Variants in IRAK4 observed in about 807,000 individuals in gnomAD.
The protein encoded by IRAK4 is interleukin-1 receptor-associated kinase 4.
Under a neutral mutation model 51.8 loss-of-function variants are expected in IRAK4, and 44 were observed. The ratio of observed to expected loss-of-function variants is 0.85; its 90% CI spans 0.67 to 1.09. The LOEUF (loss-of-function observed/expected upper bound fraction) is 1.09, where lower values mean the gene tolerates loss of function less well. Among genes scored for constraint, IRAK4 ranks in the 50% least tolerant of loss-of-function variants. The pLI is 0.00. For synonymous variants in IRAK4, 149 were observed against 174.1 expected (o/e 0.86, Z 1.13); for missense variants, 487 against 538.0 (o/e 0.91, Z 0.94).
chr12:43,783,551 G>T, intron 9 of IRAK4, 111 bp from the exon 10 acceptor site: 1 of 711,026 alleles, frequency 1.4e-6, no homozygotes, highest in Non-Finnish European at 2.5e-6. Flanking sequence ...GAAGTCCGGG[G>T]CTCAAGTTAT....
chr12:43,786,701 A>G lies in IRAK4; in HGVS notation c.1369A>G (p.Met457Val). 2.5e-6 allele frequency: 4 copies of G among 1,613,620 alleles called. No homozygotes were observed. In the South Asian group the frequency reaches 4.4e-5, roughly 18 times the overall value. Reference protein sequence around the residue: ...IKKVQQLLQEMTAS With the variant: ...IKKVQQLLQEVTAS ...AAAGGTTCAACAGCTGCTGCAAGAG[A>G]TGACAGCTTCTTAAAACTTTATTGG... is the stretch of plus-strand genomic sequence containing the variant. The change falls in exon 12 of 12, where the codon ATG becomes GTG. Residue 457 changes from methionine to valine, a missense_variant. Met to Val is a conservative substitution (Grantham distance 21). Transcript: ENST00000613694.
intron 8 of IRAK4, among the ~76,000 whole-genome samples, chr12:43,779,765 C>A (rs1325272768): frequency 6.6e-6 from 1 of 152,116 alleles, no homozygotes; most frequent in Non-Finnish European, 1.5e-5. Flanking sequence ...AATGTGAATT[C>A]TCTTTTGTAC....
chr12:43,763,308 T>C (rs1198225356), intron 1 of IRAK4: 1 of 152,204 alleles, frequency 6.6e-6, no homozygotes, highest in Non-Finnish European at 1.5e-5. Context: ...GAAGCTGGAT[T>C]TTCTTCATAT....
chr12:43,763,541 A>G (rs1023888589), intron 1 of IRAK4: 2 of 152,168 alleles, frequency 1.3e-5, no homozygotes, highest in South Asian at 2.1e-4. Context: ...TAAGTTTCTC[A>G]GCATCAATTT....
At chr12:43,783,785 A>G (rs746434440) in intron 10 of IRAK4, 61 bp downstream of exon 10, 1 of 1,116,602 alleles carries the variant, frequency 9.0e-7, no homozygotes, top group Non-Finnish European at 1.3e-6. Context: ...CTAAATTTAT[A>G]TGGATAAATT....
At chr12:43,784,643 T>G (rs1172561331) in intron 10 of IRAK4, among the ~76,000 whole-genome samples, 2 of 152,224 alleles carry the variant, frequency 1.3e-5, no homozygotes, top group African/African-American at 4.8e-5. Context: ...CCTCAAAACT[T>G]TGGCTTGAGT....
intron 3 of IRAK4, 60 bp from the exon 4 acceptor site, chr12:43,772,120 A>G: frequency 7.3e-7 from 1 of 1,360,702 alleles, no homozygotes; most frequent in African/African-American, 1.4e-5. Flanking sequence ...TTCTAGTTTA[A>G]CTTTTTCACA....
At chr12:43,779,388 T>G (rs1400491193) in intron 8 of IRAK4, among the ~76,000 whole-genome samples, 1 of 152,198 alleles carries the variant, frequency 6.6e-6, no homozygotes, top group Non-Finnish European at 1.5e-5. Context: ...AAGGTAAGGC[T>G]TTTAGTTTTA....
In IRAK4 at chr12:43,771,252, G is replaced by A; in HGVS notation, c.194G>A (p.Ser65Asn). 1 of 1,613,934 alleles carries A rather than the reference G, an allele frequency of 6.2e-7. No individual in the cohort carries two copies. ...RFEALLQTGK[S>N]PTSELLFDWG... Reference sequence around the variant, plus strand: ...GAAGCATTACTTCAAACTGGAAAAAGTCCCACTTCTGAATTACTGTTTGAC... The same window carrying A: ...GAAGCATTACTTCAAACTGGAAAAAATCCCACTTCTGAATTACTGTTTGAC... Residue 65 changes from serine to asparagine, a missense_variant, in exon 3 of 12, where the codon AGT (serine) becomes AAT (asparagine). Ser to Asn is a conservative substitution (Grantham distance 46, BLOSUM62 1). Coordinates refer to ENST00000613694, the MANE Select transcript of IRAK4 (RefSeq NM_016123.4).
At chr12:43,766,585 G>T (rs1214986652) in intron 1 of IRAK4, among the ~76,000 whole-genome samples, 2 of 152,138 alleles carry the variant, frequency 1.3e-5, no homozygotes, top group African/African-American at 4.8e-5. Flanking sequence ...ATTCATGAAT[G>T]AAAGGAAAGG....
At chr12:43,782,272 A>AACATTTTTTTCTTCAAACTTT (rs770946260) in intron 8 of IRAK4, 35 bp from the exon 9 acceptor site, 1 of 1,536,614 alleles carries the variant, frequency 6.5e-7, no homozygotes, top group Non-Finnish European at 9.0e-7. Context: ...GGGTGGGAAA[A>AACATTTTTTTCTTCAAACTTT]ACATTTTTTT....
chr12:43,770,951 A>G (rs769269653), intron 2 of IRAK4: 6 of 614,166 alleles, frequency 9.8e-6, no homozygotes, highest in African/African-American at 1.8e-5. Context: ...GTTAGGCCCT[A>G]TTTTTCTTTT....
At chr12:43,767,322 C>T (rs1940257287) in intron 1 of IRAK4, among the ~76,000 whole-genome samples, 1 of 152,148 alleles carries the variant, frequency 6.6e-6, no homozygotes, top group South Asian at 2.1e-4. Flanking sequence ...GTTGAAGGCC[C>T]TGTGGAAAGG....
rs1186037290 is a variant in IRAK4, at chr12:43,789,129, A to T, written c.*2414A>T. 6.6e-6 allele frequency: 1 copy of T among 151,876 alleles called. No homozygotes were observed. The highest frequency in any genetic ancestry group is 1.5e-5 in the Non-Finnish European group (1 of 67,950). The allele number at this position is 151,876 out of a possible 1,614,324, so 9.4% of individuals were successfully genotyped here. On this transcript the variant is annotated 3_prime_UTR_variant, in exon 12 of 12. Coordinates refer to ENST00000613694, the MANE Select transcript of IRAK4 (RefSeq NM_016123.4). ...CTGGGGGTAGAATGACATTGTTTAG[A>T]TGTTTGTCTCCTTCAAATTTCATGT...
At chr12:43,780,047 A>G (rs1245833329) in intron 8 of IRAK4, among the ~76,000 whole-genome samples, 1 of 152,210 alleles carries the variant, frequency 6.6e-6, no homozygotes, top group African/African-American at 2.4e-5. Context: ...GAAGGGTAAG[A>G]TGAAAACCTG....
At chr12:43,784,167 T>G (rs1413468600) in intron 10 of IRAK4, among the ~76,000 whole-genome samples, 1 of 152,148 alleles carries the variant, frequency 6.6e-6, no homozygotes, top group Non-Finnish European at 1.5e-5. Flanking sequence ...ATTTACAAAG[T>G]TACAATAAAA....
chr12:43,766,940 A>G (rs556977622), intron 1 of IRAK4, among the ~76,000 whole-genome samples: 1 of 152,324 alleles, frequency 6.6e-6, no homozygotes, highest in African/African-American at 2.4e-5. Flanking sequence ...GTGATGAAAG[A>G]TAATTAGGTG....
Position 43,787,022 on chromosome 12 carries a change from G to C in IRAK4, c.*307G>C, listed in dbSNP as rs1204972384. On this transcript the variant is annotated 3_prime_UTR_variant, in exon 12 of 12. Coordinates refer to ENST00000613694, the MANE Select transcript of IRAK4 (RefSeq NM_016123.4). ...AAAGAGCCTGGGCTGTATGTAGGGT[G>C]GAAACACTCTGATCTGAAGCCCAGC... 2.0e-5 allele frequency: 7 copies of C among 357,086 alleles called. No individual in the cohort carries two copies. The highest frequency in any genetic ancestry group is 3.6e-5 in the Non-Finnish European group (7 of 196,634). The allele number at this position is 357,086 out of a possible 1,614,324, so 22.1% of individuals were successfully genotyped here.
At chr12:43,778,776 A>G (rs112231912) in intron 8 of IRAK4, among the ~76,000 whole-genome samples, 2 of 151,876 alleles carry the variant, frequency 1.3e-5, no homozygotes, top group African/African-American at 2.4e-5. Flanking sequence ...GTTCACATAT[A>G]TATTATATGT....
Sources: allele counts gnomAD v4.1 joint callset (sites outside exome capture counted in the v4.1 genomes callset), GRCh38; gene constraint gnomAD v4.1.1; transcripts MANE v1.5; gene names NCBI Gene and HGNC (gene_info 2026-07-23, HGNC 2026-07-21).